Variants in RPL38 observed in about 807,000 individuals in gnomAD.
The protein encoded by RPL38 is ribosomal protein L38.
A neutral mutation model predicts 12.8 loss-of-function variants in RPL38; 2 were observed. The observed-to-expected ratio is 0.16, with a 90% CI of 0.06 to 0.49. RPL38 has a LOEUF of 0.49. RPL38 is among the 20% of genes least tolerant of loss of function. The probability of loss-of-function intolerance (pLI) is 0.96; values close to 1 mark genes in which losing one functional copy is unlikely to be tolerated. For missense variants in RPL38, 52 were observed against 79.8 expected, an observed-to-expected ratio of 0.65 and a Z score of 1.33; for synonymous variants, 42 against 30.1, an observed-to-expected ratio of 1.39 and a Z score of -1.29.
intron 4 of RPL38, 29 bp downstream of exon 4, chr17:74,209,338 CG>C: frequency 6.2e-7 from 1 of 1,609,238 alleles, no homozygotes; most frequent in Non-Finnish European, 8.5e-7. Flanking sequence ...ACTTCAGGGG[CG>C]GGTGGGGTTT....
intron 2 of RPL38, 54 bp downstream of exon 2, chr17:74,204,012 G>T: frequency 6.2e-7 from 1 of 1,613,112 alleles, no homozygotes; most frequent in Non-Finnish European, 8.5e-7. Context: ...GGGGCCCCGG[G>T]GCGAGGGCGA....
chr17:74,206,930 A>G (rs1401634004), intron 3 of RPL38, among the ~76,000 whole-genome samples: 1 of 149,392 alleles, frequency 6.7e-6, no homozygotes, highest in Non-Finnish European at 1.5e-5. Context: ...GTGAGCCAGG[A>G]TGGTCTCTAT....
intron 3 of RPL38, 55 bp from the exon 4 acceptor site, chr17:74,209,132 G>A (rs2143694034): frequency 1.2e-6 from 2 of 1,600,216 alleles, no homozygotes; most frequent in East Asian, 2.2e-5. Context: ...CACATGGACT[G>A]TGTCACATCT....
At chr17:74,209,361 G>T in intron 4 of RPL38, 52 bp downstream of exon 4, 3 of 1,598,646 alleles carry the variant, frequency 1.9e-6, no homozygotes, top group Non-Finnish European at 2.6e-6. Context: ...GAAGGTTGCT[G>T]TGTGTGGCCA....
chr17:74,205,234 A>G (rs1343980487), intron 3 of RPL38: 1 of 152,202 alleles, frequency 6.6e-6, no homozygotes, highest in East Asian at 1.9e-4. Flanking sequence ...TGATACTTGA[A>G]GGAGATTGGG....
At chr17:74,206,706 T>C (rs1203969372) in intron 3 of RPL38, among the ~76,000 whole-genome samples, 2 of 130,976 alleles carry the variant, frequency 1.5e-5, no homozygotes, top group Admixed American at 7.3e-5. Flanking sequence ...TGTTTTTTCT[T>C]TCTTTTTTTT....
chr17:74,204,085 A>T lies in RPL38; in HGVS notation c.4-45A>T, dbSNP rs181731870. ...TGGTGGACTGGGCCATCGCCGGGAGACGTGTCTCTTTCCTCTCTGTTCACC... is the reference window on the plus strand; with the variant it reads ...TGGTGGACTGGGCCATCGCCGGGAGTCGTGTCTCTTTCCTCTCTGTTCACC... On this transcript the variant is annotated intron_variant, in intron 2 of 4. Coordinates refer to ENST00000311111, the MANE Select transcript of RPL38 (RefSeq NM_000999.4). 2,230 of 1,612,544 alleles carry T rather than the reference A, an allele frequency of 1.4e-3. 30 individuals carry two copies. In the African/African-American group the frequency reaches 0.026, roughly 19 times the overall value.
Position 74,204,171 on chromosome 17 carries a change from C to T in RPL38, c.45C>T (p.Ala15=), listed in dbSNP as rs749195543. 11 of 1,614,052 alleles carry T rather than the reference C, an allele frequency of 6.8e-6. No homozygotes were observed. The Admixed American group carries it at 1.2e-4, about 17-fold the overall frequency. ...AAATCAAGGACTTCCTGCTCACAGC[C>T]CGACGAAAGGATGCCAAATGTAAGT... ...IEEIKDFLLT[A]RRKDAKSVKI... Residue 15 remains alanine (A), a synonymous_variant, in exon 3 of 5, where the codon GCC becomes GCT. Transcript: ENST00000311111.
At chr17:74,206,346 A>G (rs1368966375) in intron 3 of RPL38, 3 of 152,162 alleles carry the variant, frequency 2.0e-5, no homozygotes, top group African/African-American at 7.2e-5. Flanking sequence ...CTGAGGTAGG[A>G]TTGCTTGAAT....
At chr17:74,206,263 A>G (rs2050112558) in intron 3 of RPL38, 1 of 152,100 alleles carries the variant, frequency 6.6e-6, no homozygotes, top group African/African-American at 2.4e-5. Flanking sequence ...CCTGGGCATC[A>G]TAGTGAGACC....
intron 2 of RPL38, 54 bp from the exon 3 acceptor site, chr17:74,204,076 C>T (rs577939419): frequency 6.2e-7 from 1 of 1,610,636 alleles, no homozygotes; most frequent in South Asian, 1.1e-5. Flanking sequence ...ACTGGGCCAT[C>T]GCCGGGAGAC....
At chr17:74,209,418 A>G in intron 4 of RPL38, 109 bp downstream of exon 4, 3 of 1,298,724 alleles carry the variant, frequency 2.3e-6, no homozygotes, top group South Asian at 2.8e-5. Context: ...AGCCCATTTT[A>G]TGGTCTAAGA....
chr17:74,203,966 C>G lies in RPL38; in HGVS notation c.3+8C>G. The G allele has an allele frequency of 6.2e-7, 1 of 1,612,794 alleles. No homozygotes were observed. Among genetic ancestry groups the G allele is most frequent in the South Asian group, 1.1e-5 (1 of 90,882 alleles). ...GCGCGCCTCGTCGCCATGGTGAGTA[C>G]AGTCCCTGCCTGGCGCCTTCCCGGG... On this transcript the variant is annotated splice_region_variant and intron_variant, in intron 2 of 4. Coordinates refer to ENST00000311111, the MANE Select transcript of RPL38 (RefSeq NM_000999.4).
intron 3 of RPL38, among the ~76,000 whole-genome samples, chr17:74,208,631 T>C (rs950574583): frequency 6.6e-6 from 1 of 152,182 alleles, no homozygotes; most frequent in African/African-American, 2.4e-5. Context: ...TCACTGCTTC[T>C]ATCCCTTTTT....
chr17:74,210,277 A>G lies in RPL38; in HGVS notation c.*448A>G, dbSNP rs60424786. The G allele has an allele frequency of 0.039, 6,050 of 155,624 alleles. 382 individuals are homozygous for G. The highest frequency in any genetic ancestry group is 0.13 in the African/African-American group (5,394 of 41,572). The allele number at this position is 155,624 out of a possible 1,614,324, so 9.6% of individuals were successfully genotyped here. A position where few individuals can be genotyped will look rare whatever the true frequency, so the allele number is the denominator to read the frequency against. On this transcript the variant is annotated 3_prime_UTR_variant, in exon 5 of 5. Coordinates refer to ENST00000311111, the MANE Select transcript of RPL38 (RefSeq NM_000999.4). ...AATCTTGAGCATGATCTCAGTCGGCAAATGAGGCCATCTGTTTTCAGCCTG... is the reference window on the plus strand; with the variant it reads ...AATCTTGAGCATGATCTCAGTCGGCGAATGAGGCCATCTGTTTTCAGCCTG...
intron 3 of RPL38, among the ~76,000 whole-genome samples, chr17:74,207,918 T>A (rs1298191887): frequency 6.6e-6 from 1 of 152,240 alleles, no homozygotes; most frequent in Non-Finnish European, 1.5e-5. Flanking sequence ...TATCCAGGTG[T>A]CTGGATGTAT....
At chr17:74,203,819 A>G (rs2050082886) in intron 1 of RPL38, 74 bp downstream of exon 1, 1 of 1,106,488 alleles carries the variant, frequency 9.0e-7, no homozygotes. Context: ...GGGGAGGAGA[A>G]GGGGAGTGCG....
intron 3 of RPL38, among the ~76,000 whole-genome samples, chr17:74,208,799 G>T (rs944068246): frequency 6.6e-6 from 1 of 152,134 alleles, no homozygotes; most frequent in Non-Finnish European, 1.5e-5. Flanking sequence ...GCTGGGTGTG[G>T]TGGTGCACGC....
At position 74,210,271 on chromosome 17, in the gene RPL38, G is replaced by C. The variant is rs1258175595; in HGVS notation, c.*442G>C. On this transcript the variant is annotated 3_prime_UTR_variant, in exon 5 of 5. Coordinates refer to ENST00000311111, the MANE Select transcript of RPL38 (RefSeq NM_000999.4). ...ATCCCTAATCTTGAGCATGATCTCAGTCGGCAAATGAGGCCATCTGTTTTC... is the reference window on the plus strand; with the variant it reads ...ATCCCTAATCTTGAGCATGATCTCACTCGGCAAATGAGGCCATCTGTTTTC... 6.4e-6 allele frequency: 1 copy of C among 155,570 alleles called. No individual in the cohort carries two copies. Among genetic ancestry groups the C allele is most frequent in the African/African-American group, 2.4e-5 (1 of 41,530 alleles). 9.6% of individuals were successfully genotyped at this position (155,570 alleles called of 1,614,324 possible). A position where few individuals can be genotyped will look rare whatever the true frequency, so the allele number is the denominator to read the frequency against.
Sources: gnomAD v4.1 joint callset for allele counts (sites outside exome capture counted in the v4.1 genomes callset) on GRCh38, gnomAD v4.1.1 for gene constraint, MANE v1.5 for transcripts, NCBI Gene and HGNC (gene_info 2026-07-23, HGNC 2026-07-21) for gene names.